Variants in AP2B1 observed in about 807,000 individuals in gnomAD.
AP2B1 encodes the protein AP-2 complex subunit beta.
Under a neutral mutation model 102.0 loss-of-function variants are expected in AP2B1, and 23 were observed. The ratio of observed to expected loss-of-function variants is 0.23; its 90% CI spans 0.16 to 0.32. AP2B1 has a LOEUF of 0.32. AP2B1 is among the 10% of genes least tolerant of loss of function. The pLI, the probability that AP2B1 is intolerant of heterozygous loss-of-function variation, is 1.00. For missense variants in AP2B1, 541 were observed against 1,157.4 expected (o/e 0.47, Z 7.73); for synonymous variants, 381 against 421.2 (o/e 0.90, Z 1.17).
intron 18 of AP2B1, among the ~76,000 whole-genome samples, chr17:35,698,574 A>G (rs1409712405): frequency 1.3e-5 from 2 of 152,056 alleles, no homozygotes; most frequent in Non-Finnish European, 2.9e-5. Context: ...TGGCCTCCCA[A>G]ATTGCTGGGA....
intron 5 of AP2B1, among the ~76,000 whole-genome samples, chr17:35,609,938 G>A (rs971820275): frequency 7.2e-5 from 11 of 152,086 alleles, no homozygotes; most frequent in African/African-American, 2.4e-4. Flanking sequence ...AAATCCACAG[G>A]ATGAAGCAAG....
chr17:35,680,716 T>TTTTTTTTC (rs1567972495), intron 17 of AP2B1, among the ~76,000 whole-genome samples: 1 of 149,390 alleles, frequency 6.7e-6, no homozygotes, highest in African/African-American at 2.5e-5. Context: ...TTTTTTTTTT[T>TTTTTTTTC]CAGACAGTCT....
At chr17:35,642,972 C>T (rs1166524867) in intron 12 of AP2B1, among the ~76,000 whole-genome samples, 2 of 151,432 alleles carry the variant, frequency 1.3e-5, no homozygotes, top group African/African-American at 2.4e-5. Flanking sequence ...ATCCCATTTG[C>T]ATCTCTAAGA....
At chr17:35,677,971 A>G (rs1441690900) in intron 17 of AP2B1, among the ~76,000 whole-genome samples, 2 of 150,672 alleles carry the variant, frequency 1.3e-5, no homozygotes, top group African/African-American at 4.9e-5. Context: ...GCAGTTCTCC[A>G]TCCTCAGCCT....
intron 1 of AP2B1, 43 bp from the exon 2 acceptor site, chr17:35,593,965 A>C (rs1050966294): frequency 2.8e-6 from 3 of 1,060,636 alleles, no homozygotes. Context: ...GCCTTGTTGG[A>C]TATCTATAAC....
chr17:35,688,571 T>G (rs1342955058), intron 18 of AP2B1, among the ~76,000 whole-genome samples: 1 of 152,210 alleles, frequency 6.6e-6, no homozygotes, highest in African/African-American at 2.4e-5. Flanking sequence ...CTCTATTTCT[T>G]ATCAGACGTC....
chr17:35,597,034 G>T, intron 2 of AP2B1: 1 of 599,876 alleles, frequency 1.7e-6, no homozygotes, highest in Non-Finnish European at 3.1e-6. Flanking sequence ...TGGCGGCGAA[G>T]CCCCGTTGTG....
At chr17:35,616,401 C>G (rs1472780043) in intron 5 of AP2B1, among the ~76,000 whole-genome samples, 1 of 151,858 alleles carries the variant, frequency 6.6e-6, no homozygotes, top group Non-Finnish European at 1.5e-5. Flanking sequence ...ATCTCCTGAC[C>G]TCGTGATCCG....
At chr17:35,685,710 T>G (rs906454793) in intron 18 of AP2B1, among the ~76,000 whole-genome samples, 4 of 152,228 alleles carry the variant, frequency 2.6e-5, no homozygotes, top group Non-Finnish European at 5.9e-5. Context: ...AAACTACTTA[T>G]TGGCTTATAG....
chr17:35,718,461 C>T (rs1035050552), intron 21 of AP2B1, among the ~76,000 whole-genome samples: 4 of 152,092 alleles, frequency 2.6e-5, no homozygotes, highest in Admixed American at 6.6e-5. Flanking sequence ...CCCAACCCCC[C>T]ACCAGTCTCA....
rs782447517 is a variant in AP2B1 at position 35,723,604 on chromosome 17, A to G, written c.2782-21A>G. 3 of 1,559,978 alleles carry G rather than the reference A, an allele frequency of 1.9e-6. No homozygotes were observed. In the East Asian group the frequency reaches 6.7e-5, roughly 35 times the overall value. ...ATGCCAACCTCTGTGCTAATCTTCC[A>G]TCTCCTTTTTCTCCTAACAGCTGTC... On this transcript the variant is annotated intron_variant, in intron 21 of 21. Transcript: ENST00000610402.
intron 12 of AP2B1, among the ~76,000 whole-genome samples, chr17:35,649,720 A>C (rs1267045019): frequency 6.6e-6 from 1 of 152,138 alleles, no homozygotes; most frequent in East Asian, 1.9e-4. Flanking sequence ...GAAACATTAG[A>C]GATTACAGAA....
chr17:35,707,085 G>A (rs1175341263), intron 18 of AP2B1, among the ~76,000 whole-genome samples: 1 of 152,110 alleles, frequency 6.6e-6, no homozygotes, highest in African/African-American at 2.4e-5. Context: ...CTCTTTCCCG[G>A]AAGCCCACGG....
At chr17:35,691,365 T>G (rs587627552) in intron 18 of AP2B1, among the ~76,000 whole-genome samples, 1 of 152,322 alleles carries the variant, frequency 6.6e-6, no homozygotes, top group African/African-American at 2.4e-5. Flanking sequence ...CTTGCATATG[T>G]CCGTTCACAC....
chr17:35,610,735 G>A (rs1460226323), intron 5 of AP2B1, among the ~76,000 whole-genome samples: 3 of 151,614 alleles, frequency 2.0e-5, no homozygotes, highest in Non-Finnish European at 2.9e-5. Flanking sequence ...GTGAATCCCC[G>A]TCTCTACTAA....
chr17:35,622,596 G>T (rs552313168), intron 5 of AP2B1, among the ~76,000 whole-genome samples: 4 of 152,230 alleles, frequency 2.6e-5, no homozygotes, highest in East Asian at 3.9e-4. Flanking sequence ...TTACATTTTT[G>T]AGAATATTTC....
chr17:35,612,878 G>GCA (rs777131172), intron 5 of AP2B1, among the ~76,000 whole-genome samples: 10,762 of 79,704 alleles, frequency 0.14, 411 homozygotes, highest in Middle Eastern at 0.2. Flanking sequence ...ATGTGTATGT[G>GCA]CGCACACACA....
chr17:35,720,574 TTTTTTTTTTTTTTTTTTTTTTTTTTTA>T (rs2085353100), intron 21 of AP2B1, among the ~76,000 whole-genome samples: 3 of 24,760 alleles, frequency 1.2e-4, no homozygotes, highest in African/African-American at 2.9e-4. Context: ...TATATATATA[TTTTTTTTTTTTTTTTTTTTTTTTTTTA>T]ATATAGAGAT....
At chr17:35,637,930 C>A (rs760813295) in intron 10 of AP2B1, among the ~76,000 whole-genome samples, 1 of 151,838 alleles carries the variant, frequency 6.6e-6, no homozygotes, top group Non-Finnish European at 1.5e-5. Context: ...AGTGATCCCC[C>A]CCACCTCGCC....
Sources: allele counts gnomAD v4.1 joint callset (sites outside exome capture counted in the v4.1 genomes callset), GRCh38; gene constraint gnomAD v4.1.1; transcripts MANE v1.5; gene names NCBI Gene and HGNC (gene_info 2026-07-23, HGNC 2026-07-21).